The following ADAMTSL1 variants were observed in gnomAD, a reference collection of about 807,000 sequenced individuals.
The protein encoded by ADAMTSL1 is ADAMTS like 1.
ADAMTSL1 carries 126 observed loss-of-function variants against 201.8 expected under a neutral mutation model. The ratio of observed to expected loss-of-function variants is 0.62; its 90% CI spans 0.54 to 0.72. The LOEUF (loss-of-function observed/expected upper bound fraction) is 0.72, where lower values mean the gene tolerates loss of function less well. Among genes scored for constraint, ADAMTSL1 ranks in the 30% least tolerant of loss-of-function variants. The pLI is 0.00. For missense variants in ADAMTSL1, 2,679 were observed against 2,277.8 expected (o/e 1.18, Z -3.59); for synonymous variants, 1,121 against 903.4 (o/e 1.24, Z -4.32).
intron 4 of ADAMTSL1, among the ~76,000 whole-genome samples, chr9:18,591,994 C>A (rs531556922): frequency 3.0e-4 from 45 of 152,274 alleles, no homozygotes; most frequent in Non-Finnish European, 6.0e-4. Flanking sequence ...GTGCAATATG[C>A]AGTCAGGCAT....
At chr9:17,982,484 C>T (rs529201158) in intron 1 of ADAMTSL1, among the ~76,000 whole-genome samples, 23 of 152,070 alleles carry the variant, frequency 1.5e-4, no homozygotes, top group South Asian at 8.3e-4. Flanking sequence ...TGGTGGTGGA[C>T]GCTTGTAGTC....
At chr9:18,259,247 A>G (rs1393614634) in intron 2 of ADAMTSL1, among the ~76,000 whole-genome samples, 1 of 152,148 alleles carries the variant, frequency 6.6e-6, no homozygotes, top group Non-Finnish European at 1.5e-5. Context: ...CCAACCACCT[A>G]CTACCCATCT....
intron 1 of ADAMTSL1, among the ~76,000 whole-genome samples, chr9:18,123,297 C>G (rs1203850200): frequency 6.6e-6 from 1 of 152,082 alleles, no homozygotes; most frequent in Non-Finnish European, 1.5e-5. Context: ...ATGTTATGTA[C>G]AAATATGACT....
At chr9:18,771,658 T>G (rs1820692634) in intron 17 of ADAMTSL1, among the ~76,000 whole-genome samples, 1 of 151,316 alleles carries the variant, frequency 6.6e-6, no homozygotes, top group Non-Finnish European at 1.5e-5. Flanking sequence ...AAGACCTTCC[T>G]TTTTCTAGCA....
At chr9:18,123,003 T>A (rs945228403) in intron 1 of ADAMTSL1, among the ~76,000 whole-genome samples, 5 of 152,208 alleles carry the variant, frequency 3.3e-5, no homozygotes, top group African/African-American at 9.6e-5. Context: ...CCTCCCAAAG[T>A]GCTGGGATTA....
intron 1 of ADAMTSL1, among the ~76,000 whole-genome samples, chr9:18,095,416 CTTTTTTTTT>C (rs35164794): frequency 6.0e-5 from 6 of 100,128 alleles, no homozygotes; most frequent in Non-Finnish European, 8.1e-5. Flanking sequence ...TTCTTTCTTT[CTTTTTTTTT>C]TTTTTTTTTT....
At chr9:18,169,539 T>C (rs575586046) in intron 2 of ADAMTSL1, among the ~76,000 whole-genome samples, 4 of 152,272 alleles carry the variant, frequency 2.6e-5, no homozygotes, top group Non-Finnish European at 5.9e-5. Flanking sequence ...CCTTGTAGTA[T>C]AGTTTGAAGT....
At chr9:18,310,776 C>G (rs562591629) in intron 2 of ADAMTSL1, among the ~76,000 whole-genome samples, 1 of 152,114 alleles carries the variant, frequency 6.6e-6, no homozygotes, top group East Asian at 1.9e-4. Context: ...TTAGTTCAAC[C>G]ATTGTGGAAG....
chr9:18,661,578 G>A (rs767935834), intron 8 of ADAMTSL1, among the ~76,000 whole-genome samples: 4 of 152,110 alleles, frequency 2.6e-5, no homozygotes, highest in Non-Finnish European at 5.9e-5. Context: ...TGTATAAGAT[G>A]GTTGGTAAAT....
At chr9:18,371,324 C>T (rs1237837512) in intron 2 of ADAMTSL1, among the ~76,000 whole-genome samples, 7 of 152,150 alleles carry the variant, frequency 4.6e-5, no homozygotes, top group Non-Finnish European at 7.4e-5. Context: ...TCTGATAAAA[C>T]ACCAAGTGTC....
At chr9:18,418,423 C>T (rs1193147069) in intron 2 of ADAMTSL1, among the ~76,000 whole-genome samples, 1 of 151,976 alleles carries the variant, frequency 6.6e-6, no homozygotes, top group African/African-American at 2.4e-5. Flanking sequence ...ACAAAAGTAC[C>T]CCTATTTGCA....
chr9:18,872,366 AC>A (rs1486884386), intron 23 of ADAMTSL1, among the ~76,000 whole-genome samples: 1 of 152,134 alleles, frequency 6.6e-6, no homozygotes, highest in Non-Finnish European at 1.5e-5. Context: ...TTTGGGGGGA[AC>A]AGGTATTGTT....
intron 4 of ADAMTSL1, among the ~76,000 whole-genome samples, chr9:18,615,971 G>C (rs1040224391): frequency 2.6e-5 from 4 of 152,146 alleles, no homozygotes; most frequent in African/African-American, 9.7e-5. Context: ...TGCCCTTGGA[G>C]TAAATCAGAC....
At chr9:18,362,921 A>C (rs1275824486) in intron 2 of ADAMTSL1, among the ~76,000 whole-genome samples, 1 of 152,222 alleles carries the variant, frequency 6.6e-6, no homozygotes, top group Non-Finnish European at 1.5e-5. Flanking sequence ...CAAGTAGCCA[A>C]AGGAAAATAA....
intron 20 of ADAMTSL1, among the ~76,000 whole-genome samples, chr9:18,805,541 C>T (rs1444821454): frequency 1.3e-5 from 2 of 152,168 alleles, no homozygotes; most frequent in Non-Finnish European, 2.9e-5. Context: ...TGCATGCATC[C>T]ATTTACTTAC....
At chr9:18,549,184 G>A (rs551426969) in intron 3 of ADAMTSL1, among the ~76,000 whole-genome samples, 4 of 152,088 alleles carry the variant, frequency 2.6e-5, no homozygotes, top group African/African-American at 9.6e-5. Context: ...ACATCAGAAG[G>A]AGATTCCAAC....
chr9:18,742,848 G>C (rs1157678411), intron 15 of ADAMTSL1, among the ~76,000 whole-genome samples: 2 of 152,136 alleles, frequency 1.3e-5, no homozygotes, highest in Admixed American at 1.3e-4. Flanking sequence ...CCAAAATATG[G>C]TATTAGAGAA....
intron 2 of ADAMTSL1, among the ~76,000 whole-genome samples, chr9:18,435,004 G>T (rs1403745324): frequency 6.6e-6 from 1 of 152,168 alleles, no homozygotes; most frequent in South Asian, 2.1e-4. Context: ...CAACATCTGG[G>T]TCACAATAGA....
intron 2 of ADAMTSL1, among the ~76,000 whole-genome samples, chr9:18,239,514 G>T (rs556075695): frequency 7.0e-4 from 106 of 152,174 alleles, no homozygotes; most frequent in Non-Finnish European, 1.1e-3. Flanking sequence ...CGAGGCAAGT[G>T]GATCACTTGA....
Sources: gnomAD v4.1 joint callset for allele counts (sites outside exome capture counted in the v4.1 genomes callset) on GRCh38, gnomAD v4.1.1 for gene constraint, MANE v1.5 for transcripts, NCBI Gene and HGNC (gene_info 2026-07-23, HGNC 2026-07-21) for gene names.